Variants in SULT1C2 observed in about 807,000 individuals in gnomAD.
SULT1C2 encodes sulfotransferase family 1C member 2, also known as sulfotransferase 1C2.
Under a neutral mutation model 36.0 loss-of-function variants are expected in SULT1C2, and 27 were observed. The observed-to-expected ratio is 0.75, with a 90% CI of 0.55 to 1.03. SULT1C2 has a LOEUF of 1.03. Ranked by LOEUF, SULT1C2 falls within the 50% of genes least tolerant of loss-of-function variation. The probability of loss-of-function intolerance (pLI) is 0.00; values close to 1 mark genes in which losing one functional copy is unlikely to be tolerated. For missense variants in SULT1C2, 395 were observed against 359.2 expected, an observed-to-expected ratio of 1.10 and a Z score of -0.80; for synonymous variants, 121 against 116.0, an observed-to-expected ratio of 1.04 and a Z score of -0.27.
intron 7 of SULT1C2, among the ~76,000 whole-genome samples, chr2:108,307,637 T>C (rs1677058414): frequency 6.6e-6 from 1 of 152,212 alleles, no homozygotes; most frequent in Admixed American, 6.5e-5. Context: ...AAAAGAGAAT[T>C]TCCCCTGTTT....
At chr2:108,300,744 G>A in intron 3 of SULT1C2, 94 bp from the exon 4 acceptor site, 6 of 1,515,238 alleles carry the variant, frequency 4.0e-6, no homozygotes, top group Non-Finnish European at 5.3e-6. Flanking sequence ...AGAAAGACAG[G>A]TGGGTGATGG....
chr2:108,309,452 T>G lies in SULT1C2; in HGVS notation c.*988T>G, dbSNP rs1677102339. 6.6e-6 allele frequency: 1 copy of G among 152,232 alleles called. No individual in the cohort carries two copies. Among genetic ancestry groups the G allele is most frequent in the South Asian group, 2.1e-4 (1 of 4,832 alleles). The allele number at this position is 152,232 out of a possible 1,614,324, so 9.4% of individuals were successfully genotyped here. A position where few individuals can be genotyped will look rare whatever the true frequency, so the allele number is the denominator to read the frequency against. On this transcript the variant is annotated 3_prime_UTR_variant, in exon 8 of 8. Coordinates refer to ENST00000251481, the MANE Select transcript of SULT1C2 (RefSeq NM_001056.4). ...CTTGTAGAGGGAGTAAAAAAGTGCA[T>G]GGATAAATGACTGCAGCAAATCACA...
intron 7 of SULT1C2, among the ~76,000 whole-genome samples, chr2:108,307,111 T>G (rs777401269): frequency 6.6e-6 from 1 of 152,208 alleles, no homozygotes; most frequent in Non-Finnish European, 1.5e-5. Flanking sequence ...TGATTTTGCA[T>G]GTGCTTGAAT....
chr2:108,305,405 C>T lies in SULT1C2; in HGVS notation c.598-10C>T. The T allele has an allele frequency of 6.2e-7, 1 of 1,613,322 alleles. No homozygotes were observed. The highest frequency in any genetic ancestry group is 8.5e-7 in the Non-Finnish European group (1 of 1,179,502). On this transcript the variant is annotated splice_polypyrimidine_tract_variant and intron_variant, in intron 6 of 7. Transcript: ENST00000251481. ...TCATTCATTCCAGTCCAATGTTACCCTTGCCGCAGGACCCAAAGCATGAAA... is the reference window on the plus strand; with the variant it reads ...TCATTCATTCCAGTCCAATGTTACCTTTGCCGCAGGACCCAAAGCATGAAA...
rs376958561 is a variant in SULT1C2, at chr2:108,305,575, T to C, written c.758T>C (p.Ile253Thr). The change falls in exon 7 of 8, where the codon ATT (isoleucine) becomes ACT (threonine). Residue 253 changes from isoleucine to threonine, a missense_variant. Ile to Thr is a moderately conservative substitution (Grantham distance 89, BLOSUM62 -1). Transcript: ENST00000251481. Reference sequence around the variant, plus strand: ...TCCAAATCTATCTTGGACCAGTCAATTTCCTCCTTCATGAGAAAAGGTGTG... The same window carrying C: ...TCCAAATCTATCTTGGACCAGTCAACTTCCTCCTTCATGAGAAAAGGTGTG... ...TVSKSILDQS[I>T]SSFMRKGTVG... The C allele has an allele frequency of 2.0e-5, 32 of 1,614,072 alleles. No homozygotes were observed. Among genetic ancestry groups the C allele is most frequent in the East Asian group, 1.1e-4 (5 of 44,894 alleles).
chr2:108,298,575 T>G, intron 3 of SULT1C2: 1 of 263,018 alleles, frequency 3.8e-6, no homozygotes, highest in South Asian at 3.1e-5. Context: ...AGAGACAGGA[T>G]TTCACCATGT....
chr2:108,293,619 A>T (rs1471227774), intron 1 of SULT1C2, 28 bp from the exon 2 acceptor site: 2 of 1,547,510 alleles, frequency 1.3e-6, no homozygotes, highest in Non-Finnish European at 1.7e-6. Context: ...CAACTTCTTT[A>T]AAAATCTCCT....
At chr2:108,293,381 C>T (rs921374054) in intron 1 of SULT1C2, among the ~76,000 whole-genome samples, 2 of 151,770 alleles carry the variant, frequency 1.3e-5, no homozygotes, top group Non-Finnish European at 2.9e-5. Context: ...AAATAAGGTA[C>T]ATAGAGTCCA....
In SULT1C2 at chr2:108,293,747, A is replaced by T. The variant is rs768000878; in HGVS notation, c.80A>T (p.Asp27Val). 1.4e-5 allele frequency: 23 copies of T among 1,614,036 alleles called. No homozygotes were observed. Among genetic ancestry groups the T allele is most frequent in the Non-Finnish European group, 1.7e-5 (20 of 1,180,030 alleles). ...EGTLLQPATV[D>V]NWSQIQSFEA... Reference sequence around the variant, plus strand: ...ACCCTCCTGCAGCCTGCAACTGTGGACAACTGGAGCCAGATCCAGAGCTTC... The same window carrying T: ...ACCCTCCTGCAGCCTGCAACTGTGGTCAACTGGAGCCAGATCCAGAGCTTC... The change falls in exon 2 of 8, where the codon GAC becomes GTC. Residue 27 changes from aspartate to valine, a missense_variant. Physicochemically the swap from Asp to Val is radical, Grantham distance 152. Coordinates refer to ENST00000251481, the MANE Select transcript of SULT1C2 (RefSeq NM_001056.4).
chr2:108,293,891 C>A, intron 2 of SULT1C2, 73 bp downstream of exon 2: 1 of 1,550,732 alleles, frequency 6.4e-7, no homozygotes, highest in Non-Finnish European at 8.7e-7. Context: ...TTAGAATTCC[C>A]CTTCTTAGGA....
At chr2:108,291,486 T>C (rs1467320723) in intron 1 of SULT1C2, among the ~76,000 whole-genome samples, 1 of 152,222 alleles carries the variant, frequency 6.6e-6, no homozygotes, top group Non-Finnish European at 1.5e-5. Context: ...TACAACAATA[T>C]ACATTTGAAA....
chr2:108,289,060 G>A lies in SULT1C2; in HGVS notation c.-32G>A, dbSNP rs1676528885. ...GCCTTTGAGCTGCTGACTTTCAGCT[G>A]GAACTTGAAGGTAAGAATATGGCTT... On this transcript the variant is annotated 5_prime_UTR_variant, in exon 1 of 8. Coordinates refer to ENST00000251481, the MANE Select transcript of SULT1C2 (RefSeq NM_001056.4). 2 of 152,550 alleles carry A rather than the reference G, an allele frequency of 1.3e-5. No individual in the cohort carries two copies. Among genetic ancestry groups the A allele is most frequent in the East Asian group, 3.9e-4 (2 of 5,194 alleles). 9.4% of individuals were successfully genotyped at this position (152,550 alleles called of 1,614,324 possible). A position where few individuals can be genotyped will look rare whatever the true frequency, so the allele number is the denominator to read the frequency against.
intron 3 of SULT1C2, among the ~76,000 whole-genome samples, chr2:108,295,765 C>A (rs993923822): frequency 1.3e-5 from 2 of 152,150 alleles, no homozygotes; most frequent in Middle Eastern, 3.2e-3. Flanking sequence ...GCCCCATGAC[C>A]CCATGTGTTC....
At position 108,293,705 on chromosome 2, in the gene SULT1C2, T is replaced by C. The variant is rs1676652839; in HGVS notation, c.38T>C (p.Leu13Pro). ...LTSDLGKQIK[L>P]KEVEGTLLQP... is the part of the protein sequence containing the mutation. ...TCAGACCTGGGGAAACAGATAAAAC[T>C]GAAAGAGGTGGAGGGGACCCTCCTG... The change falls in exon 2 of 8, where the codon CTG becomes CCG. Residue 13 changes from leucine (L) to proline (P), a missense_variant. By Grantham distance (98) the Leu-to-Pro change is moderately conservative. Transcript: ENST00000251481. 33 of 1,613,832 alleles carry C rather than the reference T, an allele frequency of 2.0e-5. No individual in the cohort carries two copies. The highest frequency in any genetic ancestry group is 2.8e-5 in the Non-Finnish European group (33 of 1,179,982).
At chr2:108,291,047 C>T (rs190366501) in intron 1 of SULT1C2, among the ~76,000 whole-genome samples, 67 of 152,270 alleles carry the variant, frequency 4.4e-4, no homozygotes, top group African/African-American at 1.5e-3. Flanking sequence ...GGCAGGGCTG[C>T]GTTCCCTTCT....
intron 3 of SULT1C2, among the ~76,000 whole-genome samples, chr2:108,294,665 T>C (rs906010936): frequency 1.3e-5 from 2 of 152,180 alleles, no homozygotes; most frequent in Non-Finnish European, 2.9e-5. Flanking sequence ...GTAGATCACA[T>C]TGAAGATGTG....
chr2:108,308,310 TTCAA>T (rs760749207), intron 7 of SULT1C2, 38 bp from the exon 8 acceptor site: 2 of 1,561,630 alleles, frequency 1.3e-6, no homozygotes, highest in African/African-American at 1.4e-5. Context: ...CACCACATCT[TTCAA>T]TCAGAGTGAC....
intron 3 of SULT1C2, among the ~76,000 whole-genome samples, chr2:108,295,301 G>C (rs1203043216): frequency 1.3e-5 from 2 of 152,194 alleles, no homozygotes; most frequent in Non-Finnish European, 2.9e-5. Context: ...TGGTCACTAG[G>C]TAGGTAACTA....
At chr2:108,306,330 G>A (rs553443448) in intron 7 of SULT1C2, among the ~76,000 whole-genome samples, 477 of 152,302 alleles carry the variant, frequency 3.1e-3, no homozygotes, top group Non-Finnish European at 4.9e-3. Context: ...ATTGGGCTGG[G>A]CAGATTGACT....
Sources: gnomAD v4.1 joint callset for allele counts (sites outside exome capture counted in the v4.1 genomes callset) on GRCh38, gnomAD v4.1.1 for gene constraint, MANE v1.5 for transcripts, NCBI Gene and HGNC (gene_info 2026-07-23, HGNC 2026-07-21) for gene names.